Variants in JMJD1C observed in about 807,000 individuals in gnomAD.
JMJD1C encodes jumonji domain-containing protein 1C.
JMJD1C carries 31 observed loss-of-function variants against 245.3 expected under a neutral mutation model. The ratio of observed to expected loss-of-function variants is 0.13; its 90% confidence interval spans 0.09 to 0.17. The LOEUF (loss-of-function observed/expected upper bound fraction) is 0.17. Ranked by LOEUF, JMJD1C falls within the 10% of genes least tolerant of loss-of-function variation. JMJD1C has a pLI of 1.00. For missense variants in JMJD1C, 2,691 were observed against 3,000.2 expected (o/e 0.90, Z 2.41); for synonymous variants, 1,057 against 1,017.4 (o/e 1.04, Z -0.74).
intron 1 of JMJD1C, among the ~76,000 whole-genome samples, chr10:63,426,288 G>C (rs1008006147): frequency 2.6e-5 from 4 of 152,118 alleles, no homozygotes; most frequent in African/African-American, 9.7e-5. Flanking sequence ...GGGCCCAGGA[G>C]TTCAAGGCTG....
chr10:63,284,365 G>C (rs1857734939), intron 2 of JMJD1C, among the ~76,000 whole-genome samples: 1 of 152,092 alleles, frequency 6.6e-6, no homozygotes, highest in Non-Finnish European at 1.5e-5. Context: ...TGGTGAATTA[G>C]ATTGAGCTTT....
At chr10:63,506,451 C>G (rs1291571203) in intron 1 of JMJD1C, among the ~76,000 whole-genome samples, 1 of 152,176 alleles carries the variant, frequency 6.6e-6, no homozygotes, top group African/African-American at 2.4e-5. Flanking sequence ...GCTTCTTGAA[C>G]AAGCCCCAGT....
intron 2 of JMJD1C, among the ~76,000 whole-genome samples, chr10:63,305,453 TCTGACC>T (rs1268033384): frequency 9.9e-6 from 1 of 101,270 alleles, no homozygotes; most frequent in African/African-American, 4.2e-5. Context: ...GGCAAGACGC[TCTGACC>T]CTCTCTCTCT....
At chr10:63,510,919 T>C (rs1040809884) in intron 1 of JMJD1C, among the ~76,000 whole-genome samples, 2 of 152,250 alleles carry the variant, frequency 1.3e-5, no homozygotes, top group African/African-American at 4.8e-5. Flanking sequence ...CTTGGATTAC[T>C]TACCCTTTGT....
At position 63,200,674 on chromosome 10, in the gene JMJD1C, C is replaced by A. The variant is rs751766607; in HGVS notation, c.5078G>T (p.Gly1693Val). 10 of 1,613,390 alleles carry A rather than the reference C, an allele frequency of 6.2e-6. No individual in the cohort carries two copies. ...KLKLQSNSNT[G>V]IPRSVLKDWR... ...ATCTTTCAATACTGAACGAGGAATGCCAGCTGTAAAATCAGTAGGAAAGTT... is the reference window on the plus strand; with the variant it reads ...ATCTTTCAATACTGAACGAGGAATGACAGCTGTAAAATCAGTAGGAAAGTT... The change falls in exon 11 of 26, where the codon GGC (glycine) becomes GTC (valine). Residue 1693 changes from glycine to valine, a missense_variant. By Grantham distance (109) the Gly-to-Val change is moderately radical (BLOSUM62 -3). Coordinates refer to ENST00000399262, the MANE Select transcript of JMJD1C (RefSeq NM_032776.3).
chr10:63,256,599 G>T (rs894503156), intron 3 of JMJD1C, among the ~76,000 whole-genome samples: 1 of 152,140 alleles, frequency 6.6e-6, no homozygotes, highest in African/African-American at 2.4e-5. Context: ...CTTTTGACTT[G>T]AAATGGAATA....
At chr10:63,202,333 C>T (rs917761549) in intron 10 of JMJD1C, 5 of 984,832 alleles carry the variant, frequency 5.1e-6, no homozygotes, top group East Asian at 1.1e-4. Context: ...TCTTATTGCA[C>T]CCATATTAAT....
chr10:63,503,323 T>C (rs1954618453), intron 1 of JMJD1C, among the ~76,000 whole-genome samples: 2 of 152,204 alleles, frequency 1.3e-5, no homozygotes, highest in South Asian at 4.1e-4. Flanking sequence ...TACTAATATG[T>C]TGCCCTAATT....
At chr10:63,467,418 G>C (rs769550809), upstream of JMJD1C, among the ~76,000 whole-genome samples, 2 of 152,200 alleles carry the variant, frequency 1.3e-5, no homozygotes, top group Non-Finnish European at 2.9e-5. Flanking sequence ...GGCAGCAGGA[G>C]AATCACTTGA....
At chr10:63,382,171 A>C (rs576816634) in intron 1 of JMJD1C, among the ~76,000 whole-genome samples, 2 of 152,324 alleles carry the variant, frequency 1.3e-5, no homozygotes, top group East Asian at 3.9e-4. Context: ...AGATCAGGCC[A>C]CTGCACACCA....
At chr10:63,460,759 T>C (rs75254956) in intron 1 of JMJD1C, among the ~76,000 whole-genome samples, 1 of 152,308 alleles carries the variant, frequency 6.6e-6, no homozygotes, top group African/African-American at 2.4e-5. Context: ...GAAAATAGCC[T>C]GTATGCTTTC....
intron 1 of JMJD1C, among the ~76,000 whole-genome samples, chr10:63,444,623 CTTT>C (rs200830089): frequency 2.2e-5 from 3 of 134,464 alleles, no homozygotes; most frequent in African/African-American, 2.7e-5. Context: ...TACCTACTAT[CTTT>C]TTTTTTTTTT....
chr10:63,184,544 T>C, intron 21 of JMJD1C, 64 bp downstream of exon 21: 1 of 1,482,516 alleles, frequency 6.7e-7, no homozygotes, highest in Non-Finnish European at 9.1e-7. Flanking sequence ...ATGCCCGGCC[T>C]GAGCAAAAAT....
rs1589169292 is a variant in JMJD1C at position 63,214,848 on chromosome 10, T to A, written c.1319A>T (p.Asp440Val). Residue 440 changes from aspartate to valine, a missense_variant, in exon 8 of 26, where the codon GAT (aspartate) becomes GTT (valine). Around this residue, in one of 9 missense-constraint regions of JMJD1C, gnomAD observed 1,562 missense variants for 1,490.7 expected, o/e 1.05. Transcript: ENST00000399262. The stretch of plus-strand genomic sequence containing the variant: ...CTTCTCTGCTTCTTCATGTTTTTTA[T>A]CTTCCTGTATTTGATCCCAGGGAGG... Reference protein sequence around the residue: ...SQPPWDQIQEDKKHEEAEKRK... With the variant: ...SQPPWDQIQEVKKHEEAEKRK... 1 of 1,614,056 alleles carries A rather than the reference T, an allele frequency of 6.2e-7. No homozygotes were observed. Among genetic ancestry groups the A allele is most frequent in the Non-Finnish European group, 8.5e-7 (1 of 1,180,004 alleles).
chr10:63,330,385 G>C (rs1444158607), intron 2 of JMJD1C, among the ~76,000 whole-genome samples: 2 of 152,008 alleles, frequency 1.3e-5, no homozygotes, highest in Non-Finnish European at 1.5e-5. Flanking sequence ...TTATGTAAAA[G>C]AAGAAAATGG....
chr10:63,433,585 T>A (rs1950898983), intron 1 of JMJD1C, among the ~76,000 whole-genome samples: 1 of 137,242 alleles, frequency 7.3e-6, no homozygotes, highest in Non-Finnish European at 1.6e-5. Context: ...TCTTTTCTTT[T>A]CTTTTTTTTT....
At chr10:63,288,538 A>T (rs1263615028) in intron 2 of JMJD1C, among the ~76,000 whole-genome samples, 1 of 152,182 alleles carries the variant, frequency 6.6e-6, no homozygotes, top group East Asian at 1.9e-4. Context: ...CTTATGGTCT[A>T]ATCTGTTCAT....
rs555474575 is a variant in JMJD1C, at chr10:63,425,374, T to C, written c.168+40121A>G. Among the ~76,000 whole-genome samples, 201 of 152,346 alleles carry C rather than the reference T, an allele frequency of 1.3e-3. 3 individuals carry two copies. The highest frequency in any genetic ancestry group is 2.2e-3 in the Admixed American group (33 of 15,304). The stretch of plus-strand genomic sequence containing the variant: ...AAATTCAGTGGTAGTTTAGATCTTA[T>C]GAGATTAAAAGTCTCTATACAATCT... On this transcript the variant is annotated intron_variant, in intron 1 of 25. Coordinates refer to ENST00000399262, the MANE Select transcript of JMJD1C (RefSeq NM_032776.3).
upstream of JMJD1C, chr10:63,466,073 C>T (rs1564952477): frequency 9.6e-6 from 2 of 207,812 alleles, no homozygotes; most frequent in East Asian, 1.6e-4. Context: ...GCGGAACCAC[C>T]GCAGACGGAA....
Sources: allele counts gnomAD v4.1 joint callset (sites outside exome capture counted in the v4.1 genomes callset), GRCh38; gene constraint gnomAD v4.1.1; regional missense constraint gnomAD v4.1.1; transcripts MANE v1.5; gene names NCBI Gene and HGNC (gene_info 2026-07-23, HGNC 2026-07-21).